The following ANO7 variants were observed in gnomAD, a reference collection of about 807,000 sequenced individuals.
The protein encoded by ANO7 is anoctamin 7.
A neutral mutation model predicts 115.8 loss-of-function variants in ANO7; 114 were observed. The ratio of observed to expected loss-of-function variants is 0.98; its 90% CI spans 0.85 to 1.15. ANO7 has a LOEUF of 1.15. ANO7 is among the 50% of genes most tolerant of loss of function. ANO7 has a pLI of 0.00. For missense variants in ANO7, 1,302 were observed against 1,201.2 expected (o/e 1.08, Z -1.24); for synonymous variants, 550 against 498.2 (o/e 1.10, Z -1.38).
chr2:241,194,462 C>T (rs1451695727), intron 3 of ANO7, among the ~76,000 whole-genome samples: 4 of 151,546 alleles, frequency 2.6e-5, no homozygotes, highest in East Asian at 3.9e-4. Flanking sequence ...CTACAGGTGC[C>T]GGCCACCACG....
chr2:241,207,388 TAACTC>T (rs917970683), intron 10 of ANO7, among the ~76,000 whole-genome samples, 181 bp from the exon 11 acceptor site: 7 of 152,372 alleles, frequency 4.6e-5, no homozygotes, highest in Admixed American at 4.6e-4. Flanking sequence ...TTCAGAAACT[TAACTC>T]AGACATTGTC....
Position 241,218,370 on chromosome 2 carries a change from C to T in ANO7, c.2310C>T (p.Asn770=), listed in dbSNP as rs1003142099. The T allele has an allele frequency of 4.1e-6, 6 of 1,453,888 alleles. No individual in the cohort carries two copies. The highest frequency in any genetic ancestry group is 3.1e-5 in the East Asian group (1 of 32,732). 90.1% of individuals were successfully genotyped at this position (1,453,888 alleles called of 1,614,324 possible). A position where few individuals can be genotyped will look rare whatever the true frequency, so the allele number is the denominator to read the frequency against. ...RAPSSFAAAH[N]RTCRYRAFRD... ...CGTCCTCCTTCGCCGCCGCGCACAA[C>T]CGCACGTGCAGGTGAGCCCCGCGCC... The change falls in exon 21 of 25, where the codon AAC becomes AAT. Residue 770 remains asparagine (N), a synonymous_variant. Transcript: ENST00000674324.
At position 241,206,906 on chromosome 2, in the gene ANO7, G is replaced by A. The variant is rs547485069; in HGVS notation, c.981-668G>A. ...GACAGGTGGACAGGAGTGCTCCCAG[G>A]TTGACACAAGTGGACAGGAGTGCTC... On this transcript the variant is annotated intron_variant, in intron 10 of 24. Transcript: ENST00000674324. Among the ~76,000 whole-genome samples the A allele has an allele frequency of 2.4e-4, 26 of 109,364 alleles. No individual in the cohort carries two copies. In the South Asian group the frequency reaches 9.8e-3, roughly 41 times the overall value. 71.7% of individuals were successfully genotyped at this position (109,364 alleles called of 152,430 possible).
chr2:241,201,262 T>C, intron 6 of ANO7, 36 bp from the exon 7 acceptor site: 1 of 1,604,440 alleles, frequency 6.2e-7, no homozygotes, highest in Non-Finnish European at 8.5e-7. Context: ...GCCCACAGCT[T>C]CCTCCAAACC....
chr2:241,224,161 A>G lies in ANO7; in HGVS notation c.*8A>G. On this transcript the variant is annotated 3_prime_UTR_variant, in exon 25 of 25. Transcript: ENST00000674324. Reference sequence around the variant, plus strand: ...AGCCAGCTGCAGCAGTGACGCCTGGAAGGACATCTGGTGGTCCTTAGGGGA... The same window carrying G: ...AGCCAGCTGCAGCAGTGACGCCTGGGAGGACATCTGGTGGTCCTTAGGGGA... 1 of 1,614,002 alleles carries G rather than the reference A, an allele frequency of 6.2e-7. No individual in the cohort carries two copies. The highest frequency in any genetic ancestry group is 8.5e-7 in the Non-Finnish European group (1 of 1,179,990).
the ANO7 span, chr2:241,240,142 T>C: frequency 6.2e-7 from 1 of 1,611,622 alleles, no homozygotes; most frequent in South Asian, 1.1e-5. The surrounding 1 kb of genome is among the most constrained non-coding windows in gnomAD (Gnocchi z 5.5). Flanking sequence ...CCAATCCCAC[T>C]GTGTTAGCCT....
the ANO7 span, chr2:241,239,561 C>G: frequency 6.5e-7 from 1 of 1,540,180 alleles, no homozygotes; most frequent in Non-Finnish European, 9.0e-7. This position sits in a 1 kb window ranked among gnomAD's most constrained non-coding sequence, Gnocchi z 4.6. Flanking sequence ...TGAGTGGCCA[C>G]TGGGGGGTGA....
chr2:241,220,702 A>G (rs534596235), intron 21 of ANO7, among the ~76,000 whole-genome samples: 1 of 152,248 alleles, frequency 6.6e-6, no homozygotes, highest in Admixed American at 6.5e-5. Context: ...CGGGAGGCTG[A>G]GGCGGGAGAA....
At chr2:241,232,973 G>C in the ANO7 span, among the ~76,000 whole-genome samples, 1 of 149,786 alleles carries the variant, frequency 6.7e-6, no homozygotes, top group Non-Finnish European at 1.5e-5. Flanking sequence ...GGAACAAGAA[G>C]CTGGGGAGGA....
Position 241,225,839 on chromosome 2 carries a change from G to A in ANO7, c.*1686G>A, listed in dbSNP as rs973194233. 5.9e-5 allele frequency among the ~76,000 whole-genome samples: 9 copies of A among 152,298 alleles called. No homozygotes were observed. The highest frequency in any genetic ancestry group is 8.8e-5 in the Non-Finnish European group (6 of 68,028). On this transcript the variant is annotated 3_prime_UTR_variant, in exon 25 of 25. Transcript: ENST00000674324. The stretch of plus-strand genomic sequence containing the variant: ...GCGGACAGCACACACGGCCCGGGGC[G>A]GGAACCTTGGAAACTTTACACAGAT...
intron 3 of ANO7, among the ~76,000 whole-genome samples, chr2:241,192,055 G>A (rs575810590): frequency 1.3e-5 from 2 of 152,228 alleles, no homozygotes; most frequent in African/African-American, 4.8e-5. Context: ...CCACAGCCTG[G>A]GCCAGGCACA....
downstream of ANO7, chr2:241,227,713 GAA>G (rs1243904205): frequency 6.6e-6 from 1 of 152,600 alleles, no homozygotes. Context: ...TGACACTGTA[GAA>G]AAGACAGGAG....
chr2:241,193,376 G>A lies in ANO7; in HGVS notation c.166+2125G>A, dbSNP rs1192726215. ...TGAGCCGCCACGCCCAGCCTAAGATGGTTTTTTAAAACGTAGACAGCCCTT... is the reference window on the plus strand; with the variant it reads ...TGAGCCGCCACGCCCAGCCTAAGATAGTTTTTTAAAACGTAGACAGCCCTT... On this transcript the variant is annotated intron_variant, in intron 3 of 24. Coordinates refer to ENST00000674324, the MANE Select transcript of ANO7 (RefSeq NM_001370694.2). Among the ~76,000 whole-genome samples the A allele has an allele frequency of 1.4e-4, 22 of 152,030 alleles. 1 individual carries two copies. Among genetic ancestry groups the A allele is most frequent in the Non-Finnish European group, 3.2e-4 (22 of 67,996 alleles).
intron 4 of ANO7, among the ~76,000 whole-genome samples, chr2:241,198,453 C>T (rs539424665): frequency 3.3e-5 from 5 of 152,226 alleles, no homozygotes; most frequent in Admixed American, 1.3e-4. Flanking sequence ...CATCCAGACT[C>T]GAGCAGGTTT....
rs1296867826 is a variant in ANO7 at position 241,201,284 on chromosome 2, T to C, written c.555-14T>C. On this transcript the variant is annotated splice_polypyrimidine_tract_variant and intron_variant, in intron 6 of 24. Transcript: ENST00000674324. ...GCTTCCTCCAAACCTTCTGCACTGT[T>C]CACATGCCCACAGCTTCCTCGGGAG... 2.5e-6 allele frequency: 4 copies of C among 1,596,430 alleles called. No individual in the cohort carries two copies. The highest frequency in any genetic ancestry group is 3.4e-6 in the Non-Finnish European group (4 of 1,178,820).
intron 3 of ANO7, among the ~76,000 whole-genome samples, chr2:241,193,517 A>C (rs1381248461): frequency 6.6e-6 from 1 of 151,460 alleles, no homozygotes; most frequent in Non-Finnish European, 1.5e-5. Flanking sequence ...AGGCCCTCAG[A>C]CCACATCTCC....
chr2:241,201,085 G>A (rs2068458296), intron 6 of ANO7, among the ~76,000 whole-genome samples: 1 of 152,224 alleles, frequency 6.6e-6, no homozygotes. Context: ...GATGTGAAAA[G>A]GCATAATCGG....
intron 9 of ANO7, among the ~76,000 whole-genome samples, chr2:241,204,420 C>A (rs2068542403): frequency 8.5e-6 from 1 of 117,126 alleles, no homozygotes; most frequent in Non-Finnish European, 1.8e-5. Context: ...GAGGCAGGGG[C>A]CAGGGTGGGG....
chr2:241,196,929 C>A (rs1197030591), intron 4 of ANO7, among the ~76,000 whole-genome samples: 1 of 151,698 alleles, frequency 6.6e-6, no homozygotes, highest in Non-Finnish European at 1.5e-5. Flanking sequence ...GGGTGCCGGG[C>A]CGAGGCATGT....
Sources: gnomAD v4.1 joint callset for allele counts (sites outside exome capture counted in the v4.1 genomes callset) on GRCh38, gnomAD v4.1.1 for gene constraint, Gnocchi (gnomAD v3.1) non-coding constraint, MANE v1.5 for transcripts, NCBI Gene and HGNC (gene_info 2026-07-23, HGNC 2026-07-21) for gene names.